Variants in SCARA5 observed in about 807,000 individuals in gnomAD.
SCARA5 encodes the protein scavenger receptor class A, member 5 (putative).
In SCARA5, 45 loss-of-function variants were observed where a neutral mutation model predicts 46.3. The ratio of observed to expected loss-of-function variants is 0.97; its 90% CI spans 0.76 to 1.24. SCARA5 has a LOEUF of 1.24. Among genes scored for constraint, SCARA5 ranks in the 50% most tolerant of loss-of-function variants. SCARA5 has a pLI of 0.00. For synonymous variants in SCARA5, 333 were observed against 306.5 expected (o/e 1.09, Z -0.90); for missense variants, 680 against 689.0 (o/e 0.99, Z 0.15).
chr8:27,921,512 C>A lies in SCARA5; in HGVS notation c.916+59G>T, dbSNP rs938543166. ...TCCTGGGTCCTTGGGGAGGGGCGTG[C>A]AGGAGGAAGACCCCATCAGAAGGGG... On this transcript the variant is annotated intron_variant, in intron 4 of 8. Transcript: ENST00000354914. 4 of 1,427,634 alleles carry A rather than the reference C, an allele frequency of 2.8e-6. No individual in the cohort carries two copies. In the African/African-American group the frequency reaches 4.4e-5, roughly 16 times the overall value. 88.4% of individuals were successfully genotyped at this position (1,427,634 alleles called of 1,614,324 possible).
intron 7 of SCARA5, among the ~76,000 whole-genome samples, chr8:27,898,572 G>A (rs1045634648): frequency 2.0e-5 from 3 of 152,224 alleles, no homozygotes; most frequent in Admixed American, 2.0e-4. Context: ...CTTCTTAAGC[G>A]ATAAGAGTGA....
intron 2 of SCARA5, among the ~76,000 whole-genome samples, chr8:27,984,839 T>TCATCCATCCAGCTATCCATC (rs1344102341): frequency 1.1e-4 from 17 of 151,604 alleles, no homozygotes; most frequent in Admixed American, 9.8e-4. Flanking sequence ...ATCCATCTAT[T>TCATCCATCCAGCTATCCATC]CATCCATCCA....
intron 2 of SCARA5, among the ~76,000 whole-genome samples, chr8:27,974,825 G>A (rs12544229): frequency 0.065 from 9,790 of 151,610 alleles, 412 homozygotes; most frequent in East Asian, 0.19. Flanking sequence ...GAGTCACAGC[G>A]GACCCAGGGA....
At chr8:27,924,135 T>G (rs1411660031) in intron 3 of SCARA5, among the ~76,000 whole-genome samples, 2 of 152,152 alleles carry the variant, frequency 1.3e-5, no homozygotes, top group Non-Finnish European at 2.9e-5. Flanking sequence ...TTGTGTCCTG[T>G]CCACGGCTGT....
chr8:27,884,876 G>A (rs1170838470), intron 7 of SCARA5, among the ~76,000 whole-genome samples: 2 of 152,194 alleles, frequency 1.3e-5, no homozygotes, highest in African/African-American at 4.8e-5. Flanking sequence ...GGTGATAAGA[G>A]CATAGATGGG....
At chr8:27,882,554 G>T (rs7829523) in intron 7 of SCARA5, among the ~76,000 whole-genome samples, 13,342 of 152,240 alleles carry the variant, frequency 0.088, 1,118 homozygotes, top group African/African-American at 0.23. Context: ...GTCCCGGGAA[G>T]TGTCTCAGCC....
At position 27,870,811 on chromosome 8, in the gene SCARA5, G is replaced by C. The variant is rs1204927364; in HGVS notation, c.*1123C>G. 1 of 152,150 alleles carries C rather than the reference G, an allele frequency of 6.6e-6. No homozygotes were observed. Among genetic ancestry groups the C allele is most frequent in the African/African-American group, 2.4e-5 (1 of 41,408 alleles). The allele number at this position is 152,150 out of a possible 1,614,324, so 9.4% of individuals were successfully genotyped here. ...CCCCCTAAGGGTTCCATTAGGACTT[G>C]TGTTTTCCTGACCACAGATTCACAC... is the stretch of plus-strand genomic sequence containing the variant. On this transcript the variant is annotated 3_prime_UTR_variant, in exon 9 of 9. Coordinates refer to ENST00000354914, the MANE Select transcript of SCARA5 (RefSeq NM_173833.6).
At chr8:27,893,224 A>G (rs1410852391) in intron 7 of SCARA5, among the ~76,000 whole-genome samples, 1 of 152,088 alleles carries the variant, frequency 6.6e-6, no homozygotes, top group Non-Finnish European at 1.5e-5. Context: ...GCTCCTTAGC[A>G]TATTAGGACC....
At chr8:27,985,975 G>T (rs576274230) in intron 2 of SCARA5, among the ~76,000 whole-genome samples, 1 of 152,222 alleles carries the variant, frequency 6.6e-6, no homozygotes, top group African/African-American at 2.4e-5. Flanking sequence ...ACTAGGAAGT[G>T]GGTATGGTGG....
chr8:27,925,297 C>T (rs964034646), intron 3 of SCARA5, among the ~76,000 whole-genome samples: 6 of 152,112 alleles, frequency 3.9e-5, no homozygotes, highest in African/African-American at 1.2e-4. Flanking sequence ...GAGATATAGA[C>T]CAATGGAACA....
chr8:27,885,765 A>G lies in SCARA5; in HGVS notation c.1154-5999T>C, dbSNP rs563096910. Among the ~76,000 whole-genome samples, 9 of 152,354 alleles carry G rather than the reference A, an allele frequency of 5.9e-5. No individual in the cohort carries two copies. In the South Asian group the frequency reaches 1.9e-3, roughly 32 times the overall value. On this transcript the variant is annotated intron_variant, in intron 7 of 8. Coordinates refer to ENST00000354914, the MANE Select transcript of SCARA5 (RefSeq NM_173833.6). The stretch of plus-strand genomic sequence containing the variant: ...GAGCTCAGGCTGTTACAATGACCGT[A>G]CATCTCAAGTGAGAGAATGGGGACA...
chr8:27,981,578 G>A (rs1002972409), intron 2 of SCARA5, among the ~76,000 whole-genome samples: 5 of 152,332 alleles, frequency 3.3e-5, no homozygotes, highest in Non-Finnish European at 5.9e-5. Context: ...TGGGGATGGC[G>A]GGACAAACAG....
At chr8:27,882,926 C>G (rs577651558) in intron 7 of SCARA5, among the ~76,000 whole-genome samples, 4 of 152,308 alleles carry the variant, frequency 2.6e-5, no homozygotes, top group Non-Finnish European at 5.9e-5. Context: ...AAGGTAGCCT[C>G]ACAACCTCTC....
At chr8:27,939,591 G>A (rs556960048) in intron 3 of SCARA5, among the ~76,000 whole-genome samples, 1 of 152,254 alleles carries the variant, frequency 6.6e-6, no homozygotes, top group Admixed American at 6.5e-5. Context: ...TATAGGTAAG[G>A]AAACAAGAAG....
chr8:27,918,511 AAAG>A, intron 4 of SCARA5, among the ~76,000 whole-genome samples: 1 of 164 alleles, frequency 6.1e-3, no homozygotes, highest in Non-Finnish European at 0.015. Context: ...AAAAAGAGGA[AAAG>A]GAGGAAAAGG....
At chr8:27,922,320 C>G (rs1807612245) in intron 3 of SCARA5, 75 bp from the exon 4 acceptor site, 2 of 1,045,988 alleles carry the variant, frequency 1.9e-6, no homozygotes, top group Admixed American at 3.1e-5. Context: ...CGAACCCAGT[C>G]AGAGCCTGGC....
chr8:27,890,481 T>A (rs1160807169), intron 7 of SCARA5, among the ~76,000 whole-genome samples: 1 of 152,226 alleles, frequency 6.6e-6, no homozygotes, highest in African/African-American at 2.4e-5. Flanking sequence ...ACACTTAACA[T>A]GACACGTGGC....
intron 7 of SCARA5, among the ~76,000 whole-genome samples, chr8:27,901,403 G>C (rs1443868079): frequency 6.6e-6 from 1 of 152,138 alleles, no homozygotes; most frequent in Non-Finnish European, 1.5e-5. Flanking sequence ...TAGCTCTCCG[G>C]TGCTGCAAAC....
chr8:27,963,293 G>A (rs565665115), intron 3 of SCARA5, among the ~76,000 whole-genome samples: 42 of 152,288 alleles, frequency 2.8e-4, no homozygotes, highest in African/African-American at 9.6e-4. Context: ...CTGGCCACAC[G>A]ACCAGGCAAT....
Sources: gnomAD v4.1 joint callset for allele counts (sites outside exome capture counted in the v4.1 genomes callset) on GRCh38, gnomAD v4.1.1 for gene constraint, MANE v1.5 for transcripts, NCBI Gene and HGNC (gene_info 2026-07-23, HGNC 2026-07-21) for gene names.